Variants in ESRRG observed in about 807,000 individuals in gnomAD.
ESRRG encodes estrogen-related receptor gamma.
Under a neutral mutation model 44.0 loss-of-function variants are expected in ESRRG, and 13 were observed. The observed-to-expected ratio is 0.30, with a 90% CI of 0.19 to 0.47. The LOEUF (loss-of-function observed/expected upper bound fraction) is 0.47, where lower values mean the gene tolerates loss of function less well. Ranked by LOEUF, ESRRG falls within the 20% of genes least tolerant of loss-of-function variation. The pLI, the probability that ESRRG is intolerant of heterozygous loss-of-function variation, is 1.00. For synonymous variants in ESRRG, 215 were observed against 214.6 expected, an observed-to-expected ratio of 1.00 and a Z score of -0.02; for missense variants, 395 against 580.6, an observed-to-expected ratio of 0.68 and a Z score of 3.29.
chr1:216,531,335 C>A (rs1333464268), intron 5 of ESRRG, among the ~76,000 whole-genome samples: 5 of 152,118 alleles, frequency 3.3e-5, no homozygotes, highest in Non-Finnish European at 7.4e-5. Flanking sequence ...CAGGCTCCCA[C>A]ACTGTTTTTC....
intron 2 of ESRRG, among the ~76,000 whole-genome samples, chr1:216,673,004 T>C (rs908643699): frequency 6.6e-6 from 1 of 152,182 alleles, no homozygotes; most frequent in African/African-American, 2.4e-5. Context: ...CACATTTATG[T>C]AACGGCCTGT....
rs143672129 is a variant in ESRRG at position 216,987,889 on chromosome 1, A to T, written c.-105-48216T>A. On this transcript the variant is annotated intron_variant, in intron 1 of 7. Coordinates refer to the ESRRG transcript ENST00000359162. ...TGATCGACAGAAGAGTTAGTATACA[A>T]ATATTCCATCTTTTTCACCCTTTGG... Among the ~76,000 whole-genome samples the T allele has an allele frequency of 1.8e-3, 279 of 152,222 alleles. 3 individuals carry two copies. The highest frequency in any genetic ancestry group is 6.5e-3 in the African/African-American group (270 of 41,544).
intron 2 of ESRRG, among the ~76,000 whole-genome samples, chr1:216,811,997 G>A (rs185473516): frequency 2.0e-5 from 3 of 152,182 alleles, no homozygotes; most frequent in East Asian, 1.9e-4. Context: ...GCACACGGCC[G>A]GCCACTGTCA....
At chr1:216,902,109 T>C (rs552343032) in intron 2 of ESRRG, among the ~76,000 whole-genome samples, 17 of 152,312 alleles carry the variant, frequency 1.1e-4, no homozygotes, top group Admixed American at 5.2e-4. Flanking sequence ...CTCTCCCAAC[T>C]GCTATTTCCT....
chr1:216,778,395 AACC>A (rs920760197), intron 2 of ESRRG, among the ~76,000 whole-genome samples: 4 of 151,984 alleles, frequency 2.6e-5, no homozygotes, highest in South Asian at 2.1e-4. Flanking sequence ...CTCAACTGTG[AACC>A]ATCACTTTTG....
At chr1:216,859,549 A>C (rs748181155) in intron 2 of ESRRG, among the ~76,000 whole-genome samples, 1 of 152,202 alleles carries the variant, frequency 6.6e-6, no homozygotes, top group Non-Finnish European at 1.5e-5. Context: ...AGAATCATTA[A>C]AAAGTTTAGA....
Position 216,558,753 on chromosome 1 carries a change from A to G in ESRRG, c.862+5466T>C, listed in dbSNP as rs181376993. Among the ~76,000 whole-genome samples the G allele has an allele frequency of 3.6e-3, 551 of 152,322 alleles. 1 individual carries two copies. Among genetic ancestry groups the G allele is most frequent in the Non-Finnish European group, 6.0e-3 (411 of 68,024 alleles). On this transcript the variant is annotated intron_variant, in intron 5 of 6. Coordinates refer to ENST00000408911, the MANE Select transcript of ESRRG (RefSeq NM_001438.4). The stretch of plus-strand genomic sequence containing the variant: ...CAAGTTTTCTGATTTTACTTTCAGA[A>G]TCATTCGACCCTTATTAATCACAAC...
At chr1:216,543,886 CA>C (rs1013549641) in intron 5 of ESRRG, among the ~76,000 whole-genome samples, 2 of 151,684 alleles carry the variant, frequency 1.3e-5, no homozygotes, top group African/African-American at 4.8e-5. Flanking sequence ...GCTGAAAATG[CA>C]AAAAAACTTA....
At chr1:217,049,545 G>A (rs772109176) in intron 1 of ESRRG, among the ~76,000 whole-genome samples, 1 of 152,224 alleles carries the variant, frequency 6.6e-6, no homozygotes, top group Non-Finnish European at 1.5e-5. Flanking sequence ...TTGAGAAGGT[G>A]CTAAGGCAGT....
intron 2 of ESRRG, among the ~76,000 whole-genome samples, chr1:216,939,110 G>C (rs554377217): frequency 6.6e-6 from 1 of 152,178 alleles, no homozygotes; most frequent in African/African-American, 2.4e-5. Context: ...GAATTAGAAA[G>C]AGAAGGATCC....
chr1:216,885,603 G>GTT (rs879711203), intron 2 of ESRRG, among the ~76,000 whole-genome samples: 6 of 145,368 alleles, frequency 4.1e-5, no homozygotes, highest in Non-Finnish European at 9.1e-5. Context: ...AATCTTAAAG[G>GTT]TTTTTTTTTT....
intron 2 of ESRRG, among the ~76,000 whole-genome samples, chr1:216,807,333 C>G (rs1180307048): frequency 2.0e-5 from 3 of 152,070 alleles, no homozygotes; most frequent in Non-Finnish European, 4.4e-5. Context: ...CAATTTTTCT[C>G]TGGATGTGGT....
chr1:216,664,349 T>C (rs998931519), intron 2 of ESRRG, among the ~76,000 whole-genome samples: 1 of 151,864 alleles, frequency 6.6e-6, no homozygotes, highest in African/African-American at 2.4e-5. Flanking sequence ...CCTACTTCAT[T>C]GGGATGATTA....
intron 2 of ESRRG, among the ~76,000 whole-genome samples, chr1:216,676,675 C>G (rs1031363980): frequency 6.6e-6 from 1 of 152,130 alleles, no homozygotes; most frequent in African/African-American, 2.4e-5. Context: ...AATGCACACT[C>G]AAGTTTGGAA....
chr1:216,545,706 C>T (rs2054293950), intron 5 of ESRRG, among the ~76,000 whole-genome samples: 1 of 152,030 alleles, frequency 6.6e-6, no homozygotes, highest in Non-Finnish European at 1.5e-5. Context: ...TGGCCTCTTT[C>T]TCCCCATTAT....
Position 216,505,506 on chromosome 1 carries a change from C to T in ESRRG, c.*1433G>A, listed in dbSNP as rs1291287356. ...TTATTGCCTCTTAAATGAATACTGG[C>T]TCACAGCTCCTTCTGAGGCAAGGTC... On this transcript the variant is annotated 3_prime_UTR_variant, in exon 7 of 7. Transcript: ENST00000408911. The T allele has an allele frequency of 1.3e-5, 2 of 152,318 alleles. No homozygotes were observed. The highest frequency in any genetic ancestry group is 3.9e-4 in the East Asian group (2 of 5,172). The allele number at this position is 152,318 out of a possible 1,614,324, so 9.4% of individuals were successfully genotyped here. A position where few individuals can be genotyped will look rare whatever the true frequency, so the allele number is the denominator to read the frequency against.
chr1:216,983,917 A>T (rs2074426323), intron 1 of ESRRG, among the ~76,000 whole-genome samples: 1 of 152,034 alleles, frequency 6.6e-6, no homozygotes, highest in Admixed American at 6.6e-5. Flanking sequence ...TATCTCCTCC[A>T]TTTGGTGAAA....
chr1:216,565,441 C>T (rs2059519590), intron 4 of ESRRG, among the ~76,000 whole-genome samples: 2 of 152,148 alleles, frequency 1.3e-5, no homozygotes, highest in Non-Finnish European at 2.9e-5. Context: ...CTTGTGAACA[C>T]AGCCAAAGTT....
At position 216,674,291 on chromosome 1, in the gene ESRRG, T is replaced by G. The variant is rs183660704; in HGVS notation, c.472+2785A>C. Reference sequence around the variant, plus strand: ...GTGCACAGACCATTGTTTTTAGCTTTCTCGCTTTCCATGTGATTTTATATT... The same window carrying G: ...GTGCACAGACCATTGTTTTTAGCTTGCTCGCTTTCCATGTGATTTTATATT... On this transcript the variant is annotated intron_variant, in intron 2 of 6. Transcript: ENST00000408911. Among the ~76,000 whole-genome samples the G allele has an allele frequency of 9.5e-3, 1,443 of 152,310 alleles. 17 individuals carry two copies. The highest frequency in any genetic ancestry group is 0.013 in the Non-Finnish European group (878 of 68,024).
Sources: gnomAD v4.1 joint callset for allele counts (sites outside exome capture counted in the v4.1 genomes callset) on GRCh38, gnomAD v4.1.1 for gene constraint, MANE v1.5 for transcripts, NCBI Gene and HGNC (gene_info 2026-07-23, HGNC 2026-07-21) for gene names.